CELSR1: variants seen among roughly 807,000 people sequenced by gnomAD.
The protein encoded by CELSR1 is adhesion G protein-coupled receptor C1.
CELSR1 carries 110 observed loss-of-function variants against 249.1 expected under a neutral mutation model. The observed-to-expected ratio is 0.44, with a 90% CI of 0.38 to 0.52. The LOEUF (loss-of-function observed/expected upper bound fraction) is 0.52, where lower values mean the gene tolerates loss of function less well. CELSR1 is among the 20% of genes least tolerant of loss of function. The pLI is 0.00. For synonymous variants in CELSR1, 2,113 were observed against 1,900.0 expected (o/e 1.11, Z -2.92); for missense variants, 4,109 against 4,296.4 (o/e 0.96, Z 1.22).
intron 1 of CELSR1, among the ~76,000 whole-genome samples, chr22:46,474,045 C>G (rs1488396365): frequency 2.0e-5 from 3 of 152,118 alleles, no homozygotes; most frequent in East Asian, 1.9e-4. Flanking sequence ...AGCCTCGGAC[C>G]CAGGAGAGCA....
At position 46,390,252 on chromosome 22, in the gene CELSR1, G is replaced by T; in HGVS notation, c.6345+140C>A. 3.2e-6 allele frequency: 2 copies of T among 631,294 alleles called. No individual in the cohort carries two copies. Among genetic ancestry groups the T allele is most frequent in the Non-Finnish European group, 2.6e-6 (1 of 382,818 alleles). 39.1% of individuals were successfully genotyped at this position (631,294 alleles called of 1,614,324 possible). ...CAGGAACCTGCTGGCTCCAGGCTGCGGGCCCGTGGGGCTGTCCCTGCGCCA... is the reference window on the plus strand; with the variant it reads ...CAGGAACCTGCTGGCTCCAGGCTGCTGGCCCGTGGGGCTGTCCCTGCGCCA... On this transcript the variant is annotated intron_variant, in intron 17 of 34. Transcript: ENST00000674500. The surrounding 1 kb of genome is among the most constrained non-coding windows in gnomAD (Gnocchi z 6.3).
In CELSR1 at chr22:46,377,062, G is replaced by A. The variant is rs533045376; in HGVS notation, c.7583C>T (p.Pro2528Leu). Residue 2528 changes from proline (P) to leucine (L), a missense_variant and splice_region_variant, in exon 24 of 35, where the codon CCG (proline) becomes CTG (leucine). By Grantham distance (98) the Pro-to-Leu change is moderately conservative (BLOSUM62 -3). Transcript: ENST00000674500. The stretch of plus-strand genomic sequence containing the variant: ...GGGAGGGGAGCAGAGTGGCCATACC[G>A]GGTTTTCCGTCTGGTTGATCCCAAT... Reference protein sequence around the residue: ...FVIGINQTENPFLCTVVAILL... With the variant: ...FVIGINQTENLFLCTVVAILL... 3.5e-5 allele frequency: 56 copies of A among 1,612,804 alleles called. No homozygotes were observed. In the East Asian group the frequency reaches 4.0e-4, roughly 12 times the overall value.
chr22:46,420,962 G>A (rs144934190), intron 5 of CELSR1, among the ~76,000 whole-genome samples: 14 of 152,258 alleles, frequency 9.2e-5, no homozygotes, highest in Non-Finnish European at 2.1e-4. Flanking sequence ...GACAGCCCTC[G>A]GATGGCACGT....
chr22:46,405,104 C>A (rs561586629), intron 9 of CELSR1, among the ~76,000 whole-genome samples: 1 of 150,604 alleles, frequency 6.6e-6, no homozygotes, highest in Admixed American at 6.6e-5. Flanking sequence ...GGATTACAGG[C>A]GTGAGCCACT....
rs748218496 is a variant in CELSR1 at position 46,527,432 on chromosome 22, C to T, written c.3544+6195G>A. ...CGACCCGGGGGATCCATCTGACTCCCGGTCTCCCTGCCCATCACACACTGC... is the reference window on the plus strand; with the variant it reads ...CGACCCGGGGGATCCATCTGACTCCTGGTCTCCCTGCCCATCACACACTGC... On this transcript the variant is annotated intron_variant, in intron 1 of 34. Coordinates refer to ENST00000674500, the MANE Select transcript of CELSR1 (RefSeq NM_001378328.1). The surrounding 1 kb of genome is among the most constrained non-coding windows in gnomAD (Gnocchi z 5.5). Among the ~76,000 whole-genome samples the T allele has an allele frequency of 1.3e-5, 2 of 152,128 alleles. No homozygotes were observed. The highest frequency in any genetic ancestry group is 2.4e-5 in the African/African-American group (1 of 41,430).
intron 32 of CELSR1, among the ~76,000 whole-genome samples, 191 bp downstream of exon 32, chr22:46,365,040 G>A (rs935354076): frequency 6.6e-6 from 1 of 152,224 alleles, no homozygotes; most frequent in Non-Finnish European, 1.5e-5. Context: ...CCGCTCAGGG[G>A]GTTGGCCTGG....
chr22:46,525,985 C>G (rs1305051287), intron 1 of CELSR1, among the ~76,000 whole-genome samples: 1 of 152,258 alleles, frequency 6.6e-6, no homozygotes, highest in African/African-American at 2.4e-5. Context: ...GGAGTTTCAC[C>G]TGCCTGCTAC....
chr22:46,425,686 C>A (rs1201233822), intron 5 of CELSR1, among the ~76,000 whole-genome samples: 1 of 139,826 alleles, frequency 7.2e-6, no homozygotes, highest in Non-Finnish European at 1.6e-5. Context: ...AGAAGTTTTC[C>A]CCCGCTTTGA....
At chr22:46,404,726 T>C (rs1173176612) in intron 9 of CELSR1, among the ~76,000 whole-genome samples, 1 of 152,216 alleles carries the variant, frequency 6.6e-6, no homozygotes, top group African/African-American at 2.4e-5. Context: ...TGACCTCAGG[T>C]GATCCACCTG....
Position 46,463,913 on chromosome 22 carries a change from C to T in CELSR1, c.3977G>A (p.Ser1326Asn), listed in dbSNP as rs1290995950. 2 of 1,613,942 alleles carry T rather than the reference C, an allele frequency of 1.2e-6. No homozygotes were observed. Among genetic ancestry groups the T allele is most frequent in the Non-Finnish European group, 1.7e-6 (2 of 1,179,960 alleles). ...MKCVSVLRFD[S>N]SAPFLSSTTV... ...GGTGGAGCTGAGGAAGGGCGCGGAG[C>T]TGTCGAATCGCAGAACGGACACGCA... Residue 1326 changes from serine to asparagine, a missense_variant, in exon 2 of 35, where the codon AGC (serine) becomes AAC (asparagine). This residue lies in a region of CELSR1 where 141 missense variants were observed against 209.4 expected (regional missense o/e 0.67). Coordinates refer to ENST00000674500, the MANE Select transcript of CELSR1 (RefSeq NM_001378328.1).
Position 46,536,096 on chromosome 22 carries a change from G to A in CELSR1, c.1075C>T (p.Arg359Cys), listed in dbSNP as rs772559397. The A allele has an allele frequency of 2.5e-6, 4 of 1,611,958 alleles. No individual in the cohort carries two copies. Among genetic ancestry groups the A allele is most frequent in the East Asian group, 2.2e-5 (1 of 44,886 alleles). The change falls in exon 1 of 35, where the codon CGC (arginine) becomes TGC (cysteine). Residue 359 changes from arginine (R) to cysteine (C), a missense_variant. This residue lies in a region of CELSR1 where 673 missense variants were observed against 636.8 expected (regional missense o/e 1.06). Transcript: ENST00000674500. ...HSPVFEQSEY[R>C]ERVRENLEVG... ...TCCAGGTTCTCCCGCACGCGCTCGC[G>A]GTACTCCGACTGCTCGAAGACCGGG...
chr22:46,498,660 T>G (rs556606389), intron 1 of CELSR1, among the ~76,000 whole-genome samples: 9 of 150,288 alleles, frequency 6.0e-5, no homozygotes, highest in Non-Finnish European at 1.3e-4. Flanking sequence ...TGGTATGGGA[T>G]AGAAATAAAC....
intron 1 of CELSR1, among the ~76,000 whole-genome samples, chr22:46,496,344 G>A (rs2080413639): frequency 6.6e-6 from 1 of 152,072 alleles, no homozygotes; most frequent in Non-Finnish European, 1.5e-5. Flanking sequence ...GAGGCAGGTG[G>A]ATCACCTGAG....
intron 1 of CELSR1, among the ~76,000 whole-genome samples, chr22:46,476,705 AT>A (rs2080211954): frequency 6.6e-6 from 1 of 152,078 alleles, no homozygotes; most frequent in African/African-American, 2.4e-5. Context: ...CATAATCATG[AT>A]TTCATTGATA....
rs1043283699 is a variant in CELSR1 at position 46,427,930 on chromosome 22, G to A, written c.4611+5463C>T. Among the ~76,000 whole-genome samples, 3 of 152,144 alleles carry A rather than the reference G, an allele frequency of 2.0e-5. No individual in the cohort carries two copies. The highest frequency in any genetic ancestry group is 7.2e-5 in the African/African-American group (3 of 41,432). On this transcript the variant is annotated intron_variant, in intron 5 of 34. Transcript: ENST00000674500. The surrounding 1 kb of genome is among the most constrained non-coding windows in gnomAD (Gnocchi z 4.2). Reference sequence around the variant, plus strand: ...TTTTTAGAACATGTGCAGAAACGGAGAAGCTCCCCCGACCCCAGGGGTGCT... The same window carrying A: ...TTTTTAGAACATGTGCAGAAACGGAAAAGCTCCCCCGACCCCAGGGGTGCT...
At position 46,423,478 on chromosome 22, in the gene CELSR1, G is replaced by C. The variant is rs1481766903; in HGVS notation, c.4611+9915C>G. On this transcript the variant is annotated intron_variant, in intron 5 of 34. Transcript: ENST00000674500. The surrounding 1 kb of genome is among the most constrained non-coding windows in gnomAD (Gnocchi z 5.6). Reference sequence around the variant, plus strand: ...AAATTAGCCGGGCGTGGTGGTGCAGGCCTGTAATCCCACCTACTCGGGAGG... The same window carrying C: ...AAATTAGCCGGGCGTGGTGGTGCAGCCCTGTAATCCCACCTACTCGGGAGG... Among the ~76,000 whole-genome samples, 2 of 151,712 alleles carry C rather than the reference G, an allele frequency of 1.3e-5. No individual in the cohort carries two copies. The highest frequency in any genetic ancestry group is 2.4e-5 in the African/African-American group (1 of 41,278).
At position 46,384,679 on chromosome 22, in the gene CELSR1, A is replaced by C. The variant is rs762961713; in HGVS notation, c.6747T>G (p.Ala2249=). The change falls in exon 20 of 35, where the codon GCT becomes GCG. Residue 2249 remains alanine, a synonymous_variant. Transcript: ENST00000674500. Reference sequence around the variant, plus strand: ...AGTTGAACTTGTCAAAGATGTCGACAGCAAGAACTGGGGGGACAGTTCCTT... The same window carrying C: ...AGTTGAACTTGTCAAAGATGTCGACCGCAAGAACTGGGGGGACAGTTCCTT... ...FVIVTANMIL[A]VDIFDKFNFT... The C allele has an allele frequency of 2.5e-6, 4 of 1,612,650 alleles. No individual in the cohort carries two copies. The Admixed American group carries it at 5.0e-5, about 20-fold the overall frequency.
In CELSR1 at chr22:46,366,482, TGAAG is replaced by T. The variant is rs770626227; in HGVS notation, c.8206-6_8206-3del. 6.5e-7 allele frequency: 1 copy of T among 1,549,692 alleles called. No homozygotes were observed. Among genetic ancestry groups the T allele is most frequent in the South Asian group, 1.2e-5 (1 of 84,048 alleles). ...GGTGGTGTTGCAGTTGAGGGAGCGC[TGAAG>T]GGAGGGGAGGGGCTGGTCACTGCCA... On this transcript the variant is annotated splice_polypyrimidine_tract_variant and splice_region_variant and intron_variant, in intron 29 of 34. Coordinates refer to ENST00000674500, the MANE Select transcript of CELSR1 (RefSeq NM_001378328.1).
At chr22:46,507,468 G>A (rs4823830) in intron 1 of CELSR1, among the ~76,000 whole-genome samples, 226 of 152,014 alleles carry the variant, frequency 1.5e-3, no homozygotes, top group African/African-American at 4.8e-3. Flanking sequence ...TGCCCCAGCG[G>A]CTCCCTCCCT....
Sources: allele counts gnomAD v4.1 joint callset (sites outside exome capture counted in the v4.1 genomes callset), GRCh38; gene constraint gnomAD v4.1.1; regional missense constraint gnomAD v4.1.1; non-coding constraint Gnocchi (gnomAD v3.1); transcripts MANE v1.5; gene names NCBI Gene and HGNC (gene_info 2026-07-23, HGNC 2026-07-21).